The following TRAF5 variants were observed in gnomAD, a reference collection of about 807,000 sequenced individuals.
The protein encoded by TRAF5 is TNF receptor associated factor 5.
Under a neutral mutation model 64.5 loss-of-function variants are expected in TRAF5, and 48 were observed. That is an observed-to-expected ratio of 0.74 (90% CI 0.59 to 0.95). The LOEUF (loss-of-function observed/expected upper bound fraction) is 0.95, where lower values mean the gene tolerates loss of function less well. TRAF5 is among the 40% of genes least tolerant of loss of function. The pLI is 0.00. For missense variants in TRAF5, 545 were observed against 662.8 expected (o/e 0.82, Z 1.95); for synonymous variants, 206 against 240.5 (o/e 0.86, Z 1.33).
Position 211,353,997 on chromosome 1 carries a change from G to A in TRAF5, c.219-413G>A, listed in dbSNP as rs1232734480. Among the ~76,000 whole-genome samples the A allele has an allele frequency of 2.0e-5, 3 of 152,366 alleles. No homozygotes were observed. The East Asian group carries it at 5.8e-4, about 29-fold the overall frequency. On this transcript the variant is annotated intron_variant, in intron 2 of 10. Transcript: ENST00000261464. ...CAAGCTTTGAAAGGGGGTTATTACA[G>A]CACATCCTCATTCCCTCATGTGTTT...
chr1:211,356,198 G>C (rs190066601), intron 3 of TRAF5, among the ~76,000 whole-genome samples, 169 bp from the exon 4 acceptor site: 1 of 152,330 alleles, frequency 6.6e-6, no homozygotes, highest in East Asian at 1.9e-4. Flanking sequence ...ATGTATCTGA[G>C]ACAGCCTTTT....
At chr1:211,365,554 C>G (rs1049532204) in intron 8 of TRAF5, 86 bp downstream of exon 8, 1 of 1,095,196 alleles carries the variant, frequency 9.1e-7, no homozygotes, top group Non-Finnish European at 1.3e-6. Context: ...TCTATTCTCC[C>G]CTGTTTCAGT....
intron 4 of TRAF5, chr1:211,359,519 G>T (rs533977140): frequency 5.3e-5 from 9 of 170,076 alleles, no homozygotes; most frequent in Non-Finnish European, 8.9e-5. Context: ...TGGAGGTTGG[G>T]ATGAAGAGTC....
chr1:211,338,126 CA>C (rs1325140759), intron 1 of TRAF5, among the ~76,000 whole-genome samples: 3 of 152,184 alleles, frequency 2.0e-5, no homozygotes, highest in African/African-American at 7.2e-5. Context: ...GTGCTCCTCA[CA>C]CTGTCATGAG....
At chr1:211,371,248 T>C in intron 9 of TRAF5, 54 bp from the exon 10 acceptor site, 2 of 1,490,046 alleles carry the variant, frequency 1.3e-6, no homozygotes, top group Non-Finnish European at 1.8e-6. Context: ...TCTCAATGAA[T>C]TGCTAAAATA....
chr1:211,340,250 A>AT lies in TRAF5; in HGVS notation c.-1-12987dup, dbSNP rs1033329654. Among the ~76,000 whole-genome samples the AT allele has an allele frequency of 3.3e-5, 5 of 152,168 alleles. No homozygotes were observed. In the East Asian group the frequency reaches 9.6e-4, roughly 29 times the overall value. ...AAGCTCGAGGGGCCCCTGGAGCCTC[A>AT]TTCACTTTACGAGTGTTTGTGCTCT... On this transcript the variant is annotated intron_variant, in intron 1 of 10. Coordinates refer to ENST00000261464, the MANE Select transcript of TRAF5 (RefSeq NM_001033910.3).
At position 211,369,432 on chromosome 1, in the gene TRAF5, C is replaced by A; in HGVS notation, c.790-20C>A. 2 of 1,561,500 alleles carry A rather than the reference C, an allele frequency of 1.3e-6. No homozygotes were observed. Among genetic ancestry groups the A allele is most frequent in the Non-Finnish European group, 1.7e-6 (2 of 1,161,080 alleles). ...AGTTATATTCAGTGACTTTATTTTT[C>A]CTCACGTTCCTGTTATTAGATTTCT... On this transcript the variant is annotated intron_variant, in intron 8 of 10. Coordinates refer to ENST00000261464, the MANE Select transcript of TRAF5 (RefSeq NM_001033910.3).
chr1:211,326,945 G>C lies in TRAF5; in HGVS notation c.-2+56G>C, dbSNP rs889642773. On this transcript the variant is annotated intron_variant, in intron 1 of 10. Coordinates refer to ENST00000261464, the MANE Select transcript of TRAF5 (RefSeq NM_001033910.3). The surrounding 1 kb of genome is among the most constrained non-coding windows in gnomAD (Gnocchi z 5.0). ...CCTCGCGACGGAAGGGCCGGGGTGGGGACACCGACGAGCGCTTTTCATCTC... is the reference window on the plus strand; with the variant it reads ...CCTCGCGACGGAAGGGCCGGGGTGGCGACACCGACGAGCGCTTTTCATCTC... 5 of 978,948 alleles carry C rather than the reference G, an allele frequency of 5.1e-6. No individual in the cohort carries two copies. In the African/African-American group the frequency reaches 8.8e-5, roughly 17 times the overall value. The allele number at this position is 978,948 out of a possible 1,614,324, so 60.6% of individuals were successfully genotyped here. A position where few individuals can be genotyped will look rare whatever the true frequency, so the allele number is the denominator to read the frequency against.
In TRAF5 at chr1:211,328,935, TG is replaced by T. The variant is rs558180907; in HGVS notation, c.-2+2048del. ...TAAATAGCTCCCTGAGCTCCACTGC[TG>T]GACCAGGATCAGAGCATTGAGGTGT... On this transcript the variant is annotated intron_variant, in intron 1 of 10. Transcript: ENST00000261464. Among the ~76,000 whole-genome samples the T allele has an allele frequency of 2.7e-3, 408 of 152,290 alleles. 3 individuals are homozygous for T. The highest frequency in any genetic ancestry group is 4.2e-3 in the Admixed American group (65 of 15,300).
intron 2 of TRAF5, chr1:211,353,658 C>G (rs758217643): frequency 1.7e-6 from 1 of 603,092 alleles, no homozygotes; most frequent in Admixed American, 3.0e-5. Context: ...CAGATATTTA[C>G]CTTTTCTTAA....
Position 211,372,530 on chromosome 1 carries a change from C to T in TRAF5, c.1502C>T (p.Pro501Leu). The T allele has an allele frequency of 6.2e-7, 1 of 1,614,198 alleles. No individual in the cohort carries two copies. Residue 501 changes from proline (P) to leucine (L), a missense_variant, in exon 11 of 11, where the codon CCT becomes CTT. Coordinates refer to ENST00000261464, the MANE Select transcript of TRAF5 (RefSeq NM_001033910.3). ...AAGAACATTATGGAGACCTTCAAACCTGACCCCAATAGCAGCAGCTTTAAA... is the reference window on the plus strand; with the variant it reads ...AAGAACATTATGGAGACCTTCAAACTTGACCCCAATAGCAGCAGCTTTAAA... ...GKKNIMETFK[P>L]DPNSSSFKRP...
intron 9 of TRAF5, among the ~76,000 whole-genome samples, chr1:211,370,122 C>G (rs1005952342): frequency 6.6e-6 from 1 of 151,710 alleles, no homozygotes; most frequent in Non-Finnish European, 1.5e-5. Flanking sequence ...TTGTGGTCAA[C>G]AAGTGAAACT....
At chr1:211,335,615 T>C (rs1341662361) in intron 1 of TRAF5, among the ~76,000 whole-genome samples, 2 of 152,138 alleles carry the variant, frequency 1.3e-5, no homozygotes, top group Admixed American at 1.3e-4. Flanking sequence ...GGACCCTAAC[T>C]TGATGGAGGA....
chr1:211,370,378 AACACACACACACACAC>A (rs67207558), intron 9 of TRAF5, among the ~76,000 whole-genome samples: 14 of 148,082 alleles, frequency 9.5e-5, no homozygotes, highest in Admixed American at 4.1e-4. Flanking sequence ...TTATACATTA[AACACACACACACACAC>A]ACACACACAC....
rs548228949 is a variant in TRAF5 at position 211,363,590 on chromosome 1, AT to A, written c.697-1784del. On this transcript the variant is annotated intron_variant, in intron 7 of 10. Transcript: ENST00000261464. ...TTAAAAACCATTTGAAAAAATGTATATTCTGAGAAGGATTTAAAAAAAAATC... is the reference window on the plus strand; with the variant it reads ...TTAAAAACCATTTGAAAAAATGTATATCTGAGAAGGATTTAAAAAAAAATC... Among the ~76,000 whole-genome samples, 283 of 152,298 alleles carry A rather than the reference AT, an allele frequency of 1.9e-3. 1 individual carries two copies. The highest frequency in any genetic ancestry group is 3.6e-3 in the Non-Finnish European group (246 of 68,028).
At chr1:211,337,823 A>T (rs1231188712) in intron 1 of TRAF5, among the ~76,000 whole-genome samples, 1 of 152,152 alleles carries the variant, frequency 6.6e-6, no homozygotes, top group Non-Finnish European at 1.5e-5. Context: ...TTTCACTGAG[A>T]TGGAGGAAGG....
intron 7 of TRAF5, among the ~76,000 whole-genome samples, 175 bp downstream of exon 7, chr1:211,361,337 T>G (rs184678256): frequency 2.8e-4 from 42 of 152,300 alleles, no homozygotes; most frequent in Admixed American, 3.9e-4. Context: ...TATACATATA[T>G]AGAGAGATTT....
intron 1 of TRAF5, among the ~76,000 whole-genome samples, chr1:211,335,355 T>C (rs1443401640): frequency 6.6e-6 from 1 of 152,192 alleles, no homozygotes; most frequent in Non-Finnish European, 1.5e-5. Flanking sequence ...GGACAACCTA[T>C]GTACATCTCC....
chr1:211,360,182 T>C, intron 5 of TRAF5, 106 bp downstream of exon 5: 6 of 1,257,504 alleles, frequency 4.8e-6, no homozygotes, highest in South Asian at 4.2e-5. Flanking sequence ...CATTTATTTT[T>C]GTACAGAATT....
Sources: gnomAD v4.1 joint callset for allele counts (sites outside exome capture counted in the v4.1 genomes callset) on GRCh38, gnomAD v4.1.1 for gene constraint, Gnocchi (gnomAD v3.1) non-coding constraint, MANE v1.5 for transcripts, NCBI Gene and HGNC (gene_info 2026-07-23, HGNC 2026-07-21) for gene names.